The following MLC1 variants were observed in gnomAD, a reference collection of about 807,000 sequenced individuals.
MLC1 encodes membrane protein MLC1.
MLC1 carries 32 observed loss-of-function variants against 44.7 expected under a neutral mutation model. The ratio of observed to expected loss-of-function variants is 0.72; its 90% CI spans 0.54 to 0.96. The LOEUF is 0.96. MLC1 is among the 40% of genes least tolerant of loss of function. The pLI is 0.00. For synonymous variants in MLC1, 190 were observed against 213.0 expected (o/e 0.89, Z 0.94); for missense variants, 459 against 492.2 (o/e 0.93, Z 0.64).
chr22:50,062,634 T>A (rs2061596502), intron 11 of MLC1, among the ~76,000 whole-genome samples: 1 of 152,110 alleles, frequency 6.6e-6, no homozygotes, highest in African/African-American at 2.4e-5. Context: ...TGCACCAAGG[T>A]TCTGAGGCCG....
At chr22:50,077,056 G>C in intron 6 of MLC1, 144 bp from the exon 7 acceptor site, 2 of 820,968 alleles carry the variant, frequency 2.4e-6, no homozygotes, top group East Asian at 5.0e-5. Context: ...TGGATCTTTG[G>C]GCTTGAGGAA....
At position 50,077,564 on chromosome 22, in the gene MLC1, C is replaced by T. The variant is rs565144196; in HGVS notation, c.424-62G>A. The stretch of plus-strand genomic sequence containing the variant: ...CCTTTCTCACGCCACCGCGCTTCAG[C>T]GTCCACCGGACCACCTCACGGGCAG... On this transcript the variant is annotated intron_variant, in intron 5 of 11. Transcript: ENST00000311597. The T allele has an allele frequency of 3.6e-5, 50 of 1,371,340 alleles. No homozygotes were observed. In the African/African-American group the frequency reaches 5.4e-4, roughly 15 times the overall value. 84.9% of individuals were successfully genotyped at this position (1,371,340 alleles called of 1,614,324 possible). A position where few individuals can be genotyped will look rare whatever the true frequency, so the allele number is the denominator to read the frequency against.
chr22:50,068,085 C>T (rs1343450140), intron 10 of MLC1, among the ~76,000 whole-genome samples: 1 of 152,210 alleles, frequency 6.6e-6, no homozygotes, highest in Non-Finnish European at 1.5e-5. Flanking sequence ...ACTTTGAATT[C>T]TCCTTAAATT....
At position 50,076,880 on chromosome 22, in the gene MLC1, G is replaced by C. The variant is rs750792708; in HGVS notation, c.558C>G (p.Asp186Glu). 2 of 1,613,918 alleles carry C rather than the reference G, an allele frequency of 1.2e-6. No homozygotes were observed. Among genetic ancestry groups the C allele is most frequent in the Middle Eastern group, 3.3e-4 (2 of 6,056 alleles). ...GGACCCGAGCAGGAAATGGCACTTCGTCCAGAATGTTGGCGCTGTCAGACA... is the reference window on the plus strand; with the variant it reads ...GGACCCGAGCAGGAAATGGCACTTCCTCCAGAATGTTGGCGCTGTCAGACA... ...GSMSDSANIL[D>E]EVPFPARVLK... The change falls in exon 7 of 12, where the codon GAC (aspartate) becomes GAG (glutamate). Residue 186 changes from aspartate to glutamate, a missense_variant. By Grantham distance (45) the Asp-to-Glu change is conservative. Transcript: ENST00000311597.
At chr22:50,074,800 C>CG (rs1452951595) in intron 7 of MLC1, 1 of 215,992 alleles carries the variant, frequency 4.6e-6, no homozygotes, top group African/African-American at 2.3e-5. Flanking sequence ...CAACACTGGA[C>CG]GTCACCACCC....
chr22:50,076,350 T>A (rs1361489249), intron 7 of MLC1, among the ~76,000 whole-genome samples: 7 of 151,632 alleles, frequency 4.6e-5, no homozygotes, highest in African/African-American at 7.3e-5. Flanking sequence ...AGGTCAGGAG[T>A]TCGAGACCAG....
rs1444166111 is a variant in MLC1, at chr22:50,080,436, C to T, written c.268-39G>A. ...GGAATCCCATGAGCCTGCCGCTCACCTGAGCAACTGAGACTCTGAAATACT... is the reference window on the plus strand; with the variant it reads ...GGAATCCCATGAGCCTGCCGCTCACTTGAGCAACTGAGACTCTGAAATACT... On this transcript the variant is annotated intron_variant, in intron 3 of 11. Transcript: ENST00000311597. The T allele has an allele frequency of 2.6e-6, 4 of 1,558,626 alleles. No individual in the cohort carries two copies. In the South Asian group the frequency reaches 3.5e-5, roughly 14 times the overall value.
rs562858517 is a variant in MLC1 at position 50,074,622 on chromosome 22, G to A, written c.598-290C>T. 40 of 427,814 alleles carry A rather than the reference G, an allele frequency of 9.3e-5. 3 individuals are homozygous for A. Among genetic ancestry groups the A allele is most frequent in the South Asian group, 7.9e-4 (38 of 47,824 alleles). The allele number at this position is 427,814 out of a possible 1,614,324, so 26.5% of individuals were successfully genotyped here. A position where few individuals can be genotyped will look rare whatever the true frequency, so the allele number is the denominator to read the frequency against. On this transcript the variant is annotated intron_variant, in intron 7 of 11. Coordinates refer to ENST00000311597, the MANE Select transcript of MLC1 (RefSeq NM_015166.4). ...AGGGTATTGACCTGACAGTGGTGAG[G>A]GCAGAAAACCAAGACCCTCAGACTC...
At position 50,076,863 on chromosome 22, in the gene MLC1, G is replaced by C. The variant is rs544610516; in HGVS notation, c.575C>G (p.Ala192Gly). Residue 192 changes from alanine to glycine, a missense_variant, in exon 7 of 12, where the codon GCT becomes GGT. Coordinates refer to ENST00000311597, the MANE Select transcript of MLC1 (RefSeq NM_015166.4). ...ANILDEVPFP[A>G]RVLKSYSVVE... is the part of the protein sequence containing the mutation. Reference sequence around the variant, plus strand: ...TACTGAGTAAGATTTCAGGACCCGAGCAGGAAATGGCACTTCGTCCAGAAT... The same window carrying C: ...TACTGAGTAAGATTTCAGGACCCGACCAGGAAATGGCACTTCGTCCAGAAT... 1.9e-6 allele frequency: 3 copies of C among 1,613,822 alleles called. No homozygotes were observed. Among genetic ancestry groups the C allele is most frequent in the Non-Finnish European group, 2.5e-6 (3 of 1,179,866 alleles).
chr22:50,079,340 T>G (rs1000083571), intron 5 of MLC1, among the ~76,000 whole-genome samples: 1 of 151,630 alleles, frequency 6.6e-6, no homozygotes, highest in Non-Finnish European at 1.5e-5. Flanking sequence ...TGGGTCCTCC[T>G]GTGTCTGCTC....
intron 10 of MLC1, among the ~76,000 whole-genome samples, chr22:50,065,422 A>T (rs571673006): frequency 6.6e-6 from 1 of 152,302 alleles, no homozygotes; most frequent in African/African-American, 2.4e-5. Flanking sequence ...TTAACTATTT[A>T]AAAAAATAGC....
chr22:50,073,945 C>T (rs911727494), intron 8 of MLC1, among the ~76,000 whole-genome samples: 1 of 151,952 alleles, frequency 6.6e-6, no homozygotes, highest in Non-Finnish European at 1.5e-5. Context: ...GCCTGACATT[C>T]ATATGTTAAA....
intron 8 of MLC1, among the ~76,000 whole-genome samples, chr22:50,071,999 C>T (rs992070962): frequency 6.6e-6 from 1 of 152,190 alleles, no homozygotes; most frequent in Non-Finnish European, 1.5e-5. Context: ...TGCAAAGGCC[C>T]CAAGCCAGCT....
At chr22:50,075,883 T>G (rs1376990570) in intron 7 of MLC1, among the ~76,000 whole-genome samples, 8 of 152,068 alleles carry the variant, frequency 5.3e-5, no homozygotes, top group Non-Finnish European at 1.2e-4. Context: ...TGTCACAAGC[T>G]AGACAACAAG....
intron 5 of MLC1, among the ~76,000 whole-genome samples, chr22:50,078,678 G>A (rs1490415438): frequency 1.3e-5 from 2 of 151,622 alleles, no homozygotes; most frequent in Non-Finnish European, 2.9e-5. Context: ...GGCGGAGGTT[G>A]CCGTGAGCCG....
At chr22:50,081,784 CG>C (rs1409894445) in intron 3 of MLC1, among the ~76,000 whole-genome samples, 4 of 152,280 alleles carry the variant, frequency 2.6e-5, no homozygotes, top group Admixed American at 6.5e-5. Flanking sequence ...GAAGAAAGGC[CG>C]GGGGCAGGGC....
chr22:50,082,137 G>A (rs962816085), intron 3 of MLC1, among the ~76,000 whole-genome samples: 4 of 152,222 alleles, frequency 2.6e-5, no homozygotes, highest in African/African-American at 9.6e-5. Flanking sequence ...GAGGAGGGGA[G>A]AGCTCGGGAC....
chr22:50,081,009 A>AAAAGAAAGAAAGAAGGAAAG (rs2062111310), intron 3 of MLC1, among the ~76,000 whole-genome samples: 2 of 96,740 alleles, frequency 2.1e-5, no homozygotes, highest in Non-Finnish European at 4.0e-5. Flanking sequence ...TTGTCTCAAA[A>AAAAGAAAGAAAGAAGGAAAG]AAAGAAAGAA....
At chr22:50,062,208 T>C (rs13058507) in intron 11 of MLC1, among the ~76,000 whole-genome samples, 67,235 of 91,216 alleles carry the variant, frequency 0.74, 22,831 homozygotes, top group East Asian at 0.8. Context: ...GCCCCAGCCG[T>C]CCACCCTGAG....
Sources: gnomAD v4.1 joint callset for allele counts (sites outside exome capture counted in the v4.1 genomes callset) on GRCh38, gnomAD v4.1.1 for gene constraint, MANE v1.5 for transcripts, NCBI Gene and HGNC (gene_info 2026-07-23, HGNC 2026-07-21) for gene names.